The following MBNL3 variants were observed in gnomAD, a reference collection of about 807,000 sequenced individuals.
MBNL3 encodes muscleblind like splicing regulator 3.
In MBNL3, 6 loss-of-function variants were observed where a neutral mutation model predicts 24.5. The observed-to-expected ratio is 0.25, with a 90% CI of 0.13 to 0.48. The LOEUF (loss-of-function observed/expected upper bound fraction) is 0.48. Among genes scored for constraint, MBNL3 ranks in the 20% least tolerant of loss-of-function variants. The pLI is 0.99. For synonymous variants in MBNL3, 100 were observed against 101.7 expected (o/e 0.98, Z 0.10); for missense variants, 230 against 293.5 (o/e 0.78, Z 1.58).
At chrX:132,381,655 G>A (rs191372718) in intron 8 of MBNL3, among the ~76,000 whole-genome samples, 3 of 111,591 alleles carry the variant, frequency 2.7e-5, no homozygotes, top group Non-Finnish European at 3.8e-5. Flanking sequence ...AATACCTAAA[G>A]CAAATAAAAA....
chrX:132,476,604 G>A (rs1211835180), intron 1 of MBNL3, among the ~76,000 whole-genome samples: 1 of 111,871 alleles, frequency 8.9e-6, no homozygotes. Context: ...ACCTGTCAAA[G>A]GTCTTGAGTT....
rs995300548 is a variant in MBNL3 at position 132,372,890 on chromosome X, T to C, written c.*6776A>G. On this transcript the variant is annotated 3_prime_UTR_variant, in exon 9 of 9. Coordinates refer to ENST00000370853, the MANE Select transcript of MBNL3 (RefSeq NM_001386889.1). The stretch of plus-strand genomic sequence containing the variant: ...ATATACCATAATTGTGGATGGATTC[T>C]ATTTAAAGATAAAATTTCTCTTCAA... The C allele has an allele frequency of 1.8e-5, 2 of 111,778 alleles. No individual in the cohort carries two copies. Among genetic ancestry groups the C allele is most frequent in the African/African-American group, 6.5e-5 (2 of 30,874 alleles). 9.2% of individuals were successfully genotyped at this position (111,778 alleles called of 1,213,427 possible).
At chrX:132,393,700 C>A (rs1165702972) in intron 3 of MBNL3, among the ~76,000 whole-genome samples, 2 of 111,405 alleles carry the variant, frequency 1.8e-5, no homozygotes, top group Non-Finnish European at 3.8e-5. Context: ...AATGACTCTA[C>A]AAGTTAGTTA....
intron 3 of MBNL3, among the ~76,000 whole-genome samples, chrX:132,399,607 G>A (rs912353391): frequency 3.6e-5 from 4 of 110,024 alleles, no homozygotes; most frequent in African/African-American, 1.3e-4. Context: ...TAATGTGACT[G>A]GTATCCAGAG....
chrX:132,427,358 A>T (rs1359987391), intron 2 of MBNL3, among the ~76,000 whole-genome samples: 1 of 111,639 alleles, frequency 9.0e-6, no homozygotes, highest in Non-Finnish European at 1.9e-5. Flanking sequence ...TTCTATATAG[A>T]ACACTTTTTT....
chrX:132,416,576 A>G (rs1487539970), intron 2 of MBNL3, among the ~76,000 whole-genome samples: 2 of 111,749 alleles, frequency 1.8e-5, no homozygotes, highest in African/African-American at 6.5e-5. Context: ...AAAATAACTA[A>G]AAGAGTAGGA....
chrX:132,444,852 A>G (rs1390203720), intron 1 of MBNL3, among the ~76,000 whole-genome samples: 1 of 112,083 alleles, frequency 8.9e-6, no homozygotes, highest in Non-Finnish European at 1.9e-5. Flanking sequence ...AGTTATCTTG[A>G]AAGTAAAACA....
chrX:132,456,018 T>C (rs1280282978), intron 1 of MBNL3, among the ~76,000 whole-genome samples: 1 of 112,132 alleles, frequency 8.9e-6, no homozygotes, highest in Non-Finnish European at 1.9e-5. Flanking sequence ...TATCATACTC[T>C]ACCTGATCCT....
chrX:132,395,297 C>CTA (rs1359764031), intron 3 of MBNL3, among the ~76,000 whole-genome samples: 5 of 111,439 alleles, frequency 4.5e-5, no homozygotes, highest in Non-Finnish European at 9.4e-5. Flanking sequence ...AATCCTGTCT[C>CTA]TATATATATC....
At chrX:132,484,940 C>A (rs1947923667) in intron 1 of MBNL3, among the ~76,000 whole-genome samples, 1 of 109,923 alleles carries the variant, frequency 9.1e-6, no homozygotes, top group South Asian at 3.9e-4. Flanking sequence ...CGCGCACACA[C>A]ACACACACAC....
At chrX:132,414,151 G>C (rs1368339111) in intron 2 of MBNL3, among the ~76,000 whole-genome samples, 2 of 112,286 alleles carry the variant, frequency 1.8e-5, no homozygotes, top group African/African-American at 6.5e-5. Context: ...ACAAAGTAGA[G>C]AGGTATGGCT....
At chrX:132,435,266 C>T (rs945089108) in intron 2 of MBNL3, among the ~76,000 whole-genome samples, 1 of 111,476 alleles carries the variant, frequency 9.0e-6, no homozygotes, top group African/African-American at 3.3e-5. Flanking sequence ...AAAGATACTT[C>T]CCTTTAAAGG....
At chrX:132,411,423 A>G in intron 2 of MBNL3, 1 of 753,900 alleles carries the variant, frequency 1.3e-6, no homozygotes, top group Non-Finnish European at 1.6e-6. Context: ...GCCCACTAAG[A>G]TAACTTGATT....
upstream of MBNL3, among the ~76,000 whole-genome samples, chrX:132,489,558 C>T (rs1948183885): frequency 8.9e-6 from 1 of 111,921 alleles, no homozygotes; most frequent in Non-Finnish European, 1.9e-5. Context: ...CAGACGTCCC[C>T]TCGCGCAGCC....
At chrX:132,477,183 A>G (rs1394164556) in intron 1 of MBNL3, among the ~76,000 whole-genome samples, 1 of 111,984 alleles carries the variant, frequency 8.9e-6, no homozygotes, top group African/African-American at 3.2e-5. Context: ...GTAACCCTTT[A>G]TTATGGTCCT....
At position 132,370,913 on chromosome X, in the gene MBNL3, ACTCCAAGT is replaced by A. The variant is rs2147993426; in HGVS notation, c.*8745_*8752del. 9.0e-6 allele frequency: 1 copy of A among 110,970 alleles called. No individual in the cohort carries two copies. Among genetic ancestry groups the A allele is most frequent in the East Asian group, 2.8e-4 (1 of 3,509 alleles). The allele number at this position is 110,970 out of a possible 1,213,427, so 9.1% of individuals were successfully genotyped here. A position where few individuals can be genotyped will look rare whatever the true frequency, so the allele number is the denominator to read the frequency against. ...GTCAACTTTCTTCCAGCCAATAGAA[ACTCCAAGT>A]CTCCAATTTGATGATGGTCGGGAAT... On this transcript the variant is annotated 3_prime_UTR_variant, in exon 9 of 9. Transcript: ENST00000370853.
At position 132,402,826 on chromosome X, in the gene MBNL3, A is replaced by G. The variant is rs1603190732; in HGVS notation, c.342+3402T>C. On this transcript the variant is annotated intron_variant, in intron 3 of 8. Transcript: ENST00000370853. ...GAATCTGTTCTCTAGGTACCATCGC[A>G]TTTAGGTTGACATTCCCTTTATCTA... is the stretch of plus-strand genomic sequence containing the variant. Among the ~76,000 whole-genome samples the G allele has an allele frequency of 2.7e-5, 3 of 111,922 alleles. 1 individual carries two copies. Among genetic ancestry groups the G allele is most frequent in the South Asian group, 3.7e-4 (1 of 2,691 alleles).
intron 1 of MBNL3, among the ~76,000 whole-genome samples, chrX:132,451,833 G>A (rs1186309970): frequency 8.9e-6 from 1 of 111,901 alleles, no homozygotes; most frequent in Admixed American, 9.4e-5. Context: ...TCTGTGGGTT[G>A]CAAAGACCGT....
intron 4 of MBNL3, 133 bp from the exon 5 acceptor site, chrX:132,391,216 A>C (rs1392257403): frequency 8.6e-6 from 4 of 464,358 alleles, no homozygotes; most frequent in Non-Finnish European, 1.1e-5. Flanking sequence ...ACAAATCTAA[A>C]AAGATAAAGA....
Sources: gnomAD v4.1 joint callset for allele counts (sites outside exome capture counted in the v4.1 genomes callset) on GRCh38, gnomAD v4.1.1 for gene constraint, MANE v1.5 for transcripts, NCBI Gene and HGNC (gene_info 2026-07-23, HGNC 2026-07-21) for gene names.